PPP2R3A: variants seen among roughly 807,000 people sequenced by gnomAD.
PPP2R3A encodes the protein protein phosphatase 2 regulatory subunit B''alpha, also known as serine/threonine-protein phosphatase 2A regulatory subunit B'' subunit alpha.
Under a neutral mutation model 106.9 loss-of-function variants are expected in PPP2R3A, and 80 were observed. The ratio of observed to expected loss-of-function variants is 0.75; its 90% CI spans 0.62 to 0.90. PPP2R3A has a LOEUF of 0.90. Ranked by LOEUF, PPP2R3A falls within the 40% of genes least tolerant of loss-of-function variation. The pLI is 0.00. For synonymous variants in PPP2R3A, 483 were observed against 468.3 expected, an observed-to-expected ratio of 1.03 and a Z score of -0.41; for missense variants, 1,386 against 1,350.4, an observed-to-expected ratio of 1.03 and a Z score of -0.41.
chr3:136,139,367 C>T (rs1353121027), intron 13 of PPP2R3A, among the ~76,000 whole-genome samples: 1 of 152,076 alleles, frequency 6.6e-6, no homozygotes, highest in Non-Finnish European at 1.5e-5. Context: ...ACATGAACCA[C>T]CATATCCCCT....
chr3:135,966,343 C>A (rs888757941), intron 1 of PPP2R3A, among the ~76,000 whole-genome samples: 1 of 152,210 alleles, frequency 6.6e-6, no homozygotes, highest in Non-Finnish European at 1.5e-5. Context: ...CCCGACTTGG[C>A]CAAAGAAGGA....
chr3:136,055,743 T>A, intron 5 of PPP2R3A: 1 of 675,984 alleles, frequency 1.5e-6, no homozygotes, highest in Non-Finnish European at 2.6e-6. Context: ...GGAAATCATC[T>A]TTATGGAATG....
intron 13 of PPP2R3A, among the ~76,000 whole-genome samples, chr3:136,133,479 C>T (rs982008537): frequency 6.6e-6 from 1 of 152,054 alleles, no homozygotes; most frequent in African/African-American, 2.4e-5. Context: ...CACCAGTTGG[C>T]AGTAATGTGG....
intron 2 of PPP2R3A, among the ~76,000 whole-genome samples, chr3:136,010,466 G>A (rs1380102435): frequency 4.0e-5 from 5 of 123,928 alleles, no homozygotes; most frequent in Non-Finnish European, 7.9e-5. Context: ...TCGCTCTGTC[G>A]CCCAGGCTGG....
At chr3:136,120,965 G>A (rs1389456997) in intron 13 of PPP2R3A, among the ~76,000 whole-genome samples, 1 of 152,146 alleles carries the variant, frequency 6.6e-6, no homozygotes, top group African/African-American at 2.4e-5. Flanking sequence ...AAAAGGGAAT[G>A]CACATACACT....
chr3:136,126,507 C>A (rs1050675064), intron 13 of PPP2R3A, among the ~76,000 whole-genome samples: 21 of 152,228 alleles, frequency 1.4e-4, no homozygotes, highest in Non-Finnish European at 2.9e-4. Flanking sequence ...CTCAACAATG[C>A]CTACTGCAAC....
chr3:135,967,193 A>C (rs892430228), intron 1 of PPP2R3A, among the ~76,000 whole-genome samples: 21 of 152,160 alleles, frequency 1.4e-4, no homozygotes, highest in African/African-American at 5.1e-4. Context: ...AAAAACTTAG[A>C]TCTTTTATAC....
At chr3:135,968,419 T>TA (rs1351205194) in intron 1 of PPP2R3A, among the ~76,000 whole-genome samples, 3 of 152,128 alleles carry the variant, frequency 2.0e-5, no homozygotes, top group Admixed American at 6.5e-5. Context: ...TAACAGGAGT[T>TA]ACTAGGTGAA....
intron 1 of PPP2R3A, among the ~76,000 whole-genome samples, chr3:135,973,056 AT>A (rs1297296906): frequency 3.9e-5 from 6 of 152,170 alleles, no homozygotes; most frequent in Non-Finnish European, 7.4e-5. Context: ...TCTTCTGGCA[AT>A]ATATAGTTTT....
At chr3:136,124,677 C>T (rs1295285233) in intron 13 of PPP2R3A, among the ~76,000 whole-genome samples, 3 of 150,834 alleles carry the variant, frequency 2.0e-5, no homozygotes, top group Non-Finnish European at 4.4e-5. Context: ...AAATAGAAAA[C>T]AGGAAAAAAT....
At chr3:136,100,154 AC>A (rs906301953) in intron 10 of PPP2R3A, among the ~76,000 whole-genome samples, 1 of 152,144 alleles carries the variant, frequency 6.6e-6, no homozygotes, top group Non-Finnish European at 1.5e-5. Context: ...AGGAATAGAT[AC>A]CAATAAAGCT....
At chr3:136,105,240 G>A (rs370256721) in intron 12 of PPP2R3A, among the ~76,000 whole-genome samples, 4 of 152,170 alleles carry the variant, frequency 2.6e-5, no homozygotes, top group Non-Finnish European at 5.9e-5. Flanking sequence ...CATTTCAGGC[G>A]GGCCTGTGGC....
chr3:135,983,534 C>A (rs200391003), intron 1 of PPP2R3A, among the ~76,000 whole-genome samples: 1 of 152,138 alleles, frequency 6.6e-6, no homozygotes, highest in African/African-American at 2.4e-5. Flanking sequence ...TGCATTTTTG[C>A]TTTTCTATTT....
rs994380288 is a variant in PPP2R3A at position 136,040,850 on chromosome 3, T to C, written c.2263-9T>C. On this transcript the variant is annotated splice_polypyrimidine_tract_variant and intron_variant, in intron 3 of 13. Coordinates refer to ENST00000264977, the MANE Select transcript of PPP2R3A (RefSeq NM_002718.5). ...GTTGGCTTACCCTGTATGTGTTTTC[T>C]ATTTGCAGGTCTGTGGCTGTCCTCT... 2 of 1,608,438 alleles carry C rather than the reference T, an allele frequency of 1.2e-6. No individual in the cohort carries two copies. The highest frequency in any genetic ancestry group is 1.7e-6 in the Non-Finnish European group (2 of 1,177,406).
At chr3:135,988,992 A>G (rs912008342) in intron 1 of PPP2R3A, among the ~76,000 whole-genome samples, 46 of 152,050 alleles carry the variant, frequency 3.0e-4, no homozygotes, top group African/African-American at 9.9e-4. Context: ...ATATATTTAC[A>G]TTTTTCCCTT....
intron 1 of PPP2R3A, among the ~76,000 whole-genome samples, chr3:135,981,661 G>C (rs1422171319): frequency 6.6e-6 from 1 of 151,840 alleles, no homozygotes; most frequent in Non-Finnish European, 1.5e-5. Context: ...TGCCTTTGGA[G>C]TGTACATTCT....
intron 11 of PPP2R3A, 139 bp from the exon 12 acceptor site, chr3:136,103,119 G>A (rs961371941): frequency 5.9e-6 from 3 of 506,414 alleles, no homozygotes; most frequent in Admixed American, 3.5e-5. Context: ...AAAAAGAAAT[G>A]AGATTTAAAT....
intron 13 of PPP2R3A, among the ~76,000 whole-genome samples, chr3:136,132,646 T>G (rs1317784735): frequency 6.6e-6 from 1 of 151,886 alleles, no homozygotes; most frequent in Non-Finnish European, 1.5e-5. Context: ...CTGGAAAGAT[T>G]AGAAGGCTCA....
Position 136,104,298 on chromosome 3 carries a change from T to TTGTGTGTGTGTGTG in PPP2R3A, c.3222+937_3222+950dup, listed in dbSNP as rs55839641. Among the ~76,000 whole-genome samples, 247 of 148,768 alleles carry TTGTGTGTGTGTGTG rather than the reference T, an allele frequency of 1.7e-3. 3 individuals are homozygous for TTGTGTGTGTGTGTG. The highest frequency in any genetic ancestry group is 6.0e-3 in the African/African-American group (243 of 40,348). ...CATAATTTTATATTTGTTTCTTTCTTTGTGTGTGTGTGTGTGTGTGTGTGT... is the reference window on the plus strand; with the variant it reads ...CATAATTTTATATTTGTTTCTTTCTTTGTGTGTGTGTGTGTGTGTGTGTGTGTGTGTGTGTGTGT... On this transcript the variant is annotated intron_variant, in intron 12 of 13. Coordinates refer to ENST00000264977, the MANE Select transcript of PPP2R3A (RefSeq NM_002718.5).
Sources: allele counts gnomAD v4.1 joint callset (sites outside exome capture counted in the v4.1 genomes callset), GRCh38; gene constraint gnomAD v4.1.1; transcripts MANE v1.5; gene names NCBI Gene and HGNC (gene_info 2026-07-23, HGNC 2026-07-21).